The following NXPE4 variants were observed in gnomAD, a reference collection of about 807,000 sequenced individuals.
NXPE4 encodes NXPE family member 4.
A neutral mutation model predicts 33.3 loss-of-function variants in NXPE4; 42 were observed. The ratio of observed to expected loss-of-function variants is 1.26; its 90% confidence interval spans 0.98 to 1.63. The LOEUF (loss-of-function observed/expected upper bound fraction) is 1.63. NXPE4 is among the 40% of genes most tolerant of loss of function. The pLI, the probability that NXPE4 is intolerant of heterozygous loss-of-function variation, is 0.00. For synonymous variants in NXPE4, 253 were observed against 234.9 expected, an observed-to-expected ratio of 1.08 and a Z score of -0.71; for missense variants, 709 against 647.6, an observed-to-expected ratio of 1.09 and a Z score of -1.03.
chr11:114,618,752 G>T, the NXPE4 span, among the ~76,000 whole-genome samples: 7 of 152,040 alleles, frequency 4.6e-5, no homozygotes, highest in Admixed American at 4.6e-4. Flanking sequence ...TATCTCGTGC[G>T]TAGCCACTGT....
At chr11:114,658,238 C>T in the NXPE4 span, among the ~76,000 whole-genome samples, 6 of 152,186 alleles carry the variant, frequency 3.9e-5, no homozygotes, top group Non-Finnish European at 7.3e-5. Flanking sequence ...TACTGACTCA[C>T]TTTTGAAAAG....
chr11:114,647,063 G>A, the NXPE4 span, among the ~76,000 whole-genome samples: 1 of 152,172 alleles, frequency 6.6e-6, no homozygotes, highest in Non-Finnish European at 1.5e-5. Flanking sequence ...ACACCTGCTT[G>A]CAATGTGCCC....
intron 2 of NXPE4, among the ~76,000 whole-genome samples, chr11:114,591,083 C>T (rs976289216): frequency 6.6e-6 from 1 of 152,142 alleles, no homozygotes; most frequent in Non-Finnish European, 1.5e-5. Context: ...CCAGACTGGA[C>T]CATCTTCACA....
chr11:114,658,447 C>T, the NXPE4 span, among the ~76,000 whole-genome samples: 3 of 152,126 alleles, frequency 2.0e-5, no homozygotes, highest in Non-Finnish European at 2.9e-5. Flanking sequence ...CCACTGGGCA[C>T]TCATGAGAAA....
At chr11:114,585,829 C>T (rs779471570) in intron 2 of NXPE4, among the ~76,000 whole-genome samples, 21 of 152,102 alleles carry the variant, frequency 1.4e-4, no homozygotes, top group Non-Finnish European at 2.5e-4. Flanking sequence ...TGAAAACTTG[C>T]ATGGGTGAAT....
chr11:114,572,696 C>T (rs116953226), intron 5 of NXPE4, among the ~76,000 whole-genome samples: 2,992 of 152,210 alleles, frequency 0.02, 41 homozygotes, highest in Middle Eastern at 0.061. Flanking sequence ...AACAAAGCCA[C>T]CAAGAAGTTT....
At chr11:114,659,399 G>T in the NXPE4 span, among the ~76,000 whole-genome samples, 4 of 150,516 alleles carry the variant, frequency 2.7e-5, no homozygotes, top group South Asian at 8.4e-4. Context: ...ATCAGTGAAT[G>T]TGAGGATAGG....
chr11:114,571,684 A>G (rs1948890970), intron 5 of NXPE4, among the ~76,000 whole-genome samples: 1 of 152,252 alleles, frequency 6.6e-6, no homozygotes, highest in Admixed American at 6.5e-5. Context: ...GATAGGAGGC[A>G]GGACTAGCTT....
chr11:114,629,681 T>C, the NXPE4 span, among the ~76,000 whole-genome samples: 20 of 151,840 alleles, frequency 1.3e-4, no homozygotes, highest in African/African-American at 2.4e-4. Flanking sequence ...GGCAATTACA[T>C]AGGAGAAGGG....
At chr11:114,573,329 G>A (rs1358544616) in intron 5 of NXPE4, among the ~76,000 whole-genome samples, 1 of 152,038 alleles carries the variant, frequency 6.6e-6, no homozygotes, top group Admixed American at 6.6e-5. Flanking sequence ...GCAACAAGTA[G>A]CACAATGAAT....
chr11:114,606,280 G>T, the NXPE4 span, among the ~76,000 whole-genome samples: 2 of 147,244 alleles, frequency 1.4e-5, no homozygotes, highest in Admixed American at 1.3e-4. Flanking sequence ...CAGTTACCTG[G>T]TGGATAATAA....
chr11:114,650,424 C>T, the NXPE4 span, among the ~76,000 whole-genome samples: 2 of 152,238 alleles, frequency 1.3e-5, no homozygotes, highest in South Asian at 2.1e-4. Context: ...CAGAGAAGAC[C>T]AGGAGATTGA....
At chr11:114,642,590 G>A in the NXPE4 span, among the ~76,000 whole-genome samples, 24,945 of 152,000 alleles carry the variant, frequency 0.16, 2,667 homozygotes, top group Non-Finnish European at 0.22. Flanking sequence ...CAAAGGACAC[G>A]AACTCATCCT....
the NXPE4 span, among the ~76,000 whole-genome samples, chr11:114,626,666 G>C: frequency 6.6e-6 from 1 of 152,214 alleles, no homozygotes; most frequent in Non-Finnish European, 1.5e-5. Flanking sequence ...AACAAAGCTG[G>C]ACGGAGAATG....
At chr11:114,622,679 G>T in the NXPE4 span, among the ~76,000 whole-genome samples, 13,870 of 151,112 alleles carry the variant, frequency 0.092, 742 homozygotes, top group Middle Eastern at 0.21. Context: ...GATAATAAAT[G>T]TTGCCTAGTG....
Position 114,582,616 on chromosome 11 carries a change from T to A in NXPE4, c.502A>T (p.Thr168Ser). 6.2e-7 allele frequency: 1 copy of A among 1,613,906 alleles called. No individual in the cohort carries two copies. Among genetic ancestry groups the A allele is most frequent in the East Asian group, 2.2e-5 (1 of 44,862 alleles). The stretch of plus-strand genomic sequence containing the variant: ...GAGACCTGGCCCTCCCAGAACAGAG[T>A]GAAGCTGACCAGGTAGGTGCCGTTG... Reference protein sequence around the residue: ...FNNGTYLVSFTLFWEGQVSLS... With the variant: ...FNNGTYLVSFSLFWEGQVSLS... The change falls in exon 3 of 6, where the codon ACT becomes TCT. Residue 168 changes from threonine to serine, a missense_variant. Transcript: ENST00000375478.
chr11:114,602,470 T>C, the NXPE4 span, among the ~76,000 whole-genome samples: 394 of 135,654 alleles, frequency 2.9e-3, 3 homozygotes, highest in African/African-American at 9.8e-3. Flanking sequence ...ATATATAAAT[T>C]ATAGATTATA....
At chr11:114,600,499 A>G (rs971615753), upstream of NXPE4, among the ~76,000 whole-genome samples, 4 of 152,162 alleles carry the variant, frequency 2.6e-5, no homozygotes, top group Non-Finnish European at 5.9e-5. Flanking sequence ...AAAGCAATGT[A>G]TAACTTCAAT....
At chr11:114,604,056 C>T in the NXPE4 span, among the ~76,000 whole-genome samples, 641 of 151,934 alleles carry the variant, frequency 4.2e-3, 5 homozygotes, top group South Asian at 5.4e-3. Flanking sequence ...GTAACTACTG[C>T]TACCTGGTGG....
Sources: allele counts gnomAD v4.1 joint callset (sites outside exome capture counted in the v4.1 genomes callset), GRCh38; gene constraint gnomAD v4.1.1; transcripts MANE v1.5; gene names NCBI Gene and HGNC (gene_info 2026-07-23, HGNC 2026-07-21).